Variants in ATXN7L1 observed in about 807,000 individuals in gnomAD.
ATXN7L1 encodes ataxin-7-like protein 1.
In ATXN7L1, 15 loss-of-function variants were observed where a neutral mutation model predicts 70.8. The ratio of observed to expected loss-of-function variants is 0.21; its 90% confidence interval spans 0.14 to 0.33. The LOEUF (loss-of-function observed/expected upper bound fraction) is 0.33, where lower values mean the gene tolerates loss of function less well. Among genes scored for constraint, ATXN7L1 ranks in the 10% least tolerant of loss-of-function variants. ATXN7L1 has a pLI of 1.00. For missense variants in ATXN7L1, 975 were observed against 1,097.1 expected (o/e 0.89, Z 1.57); for synonymous variants, 440 against 445.1 (o/e 0.99, Z 0.14).
At chr7:105,795,608 T>A (rs1204980250) in intron 2 of ATXN7L1, among the ~76,000 whole-genome samples, 1 of 152,136 alleles carries the variant, frequency 6.6e-6, no homozygotes, top group Non-Finnish European at 1.5e-5. Flanking sequence ...AGAGACTAAA[T>A]AAGGCTTGAT....
At chr7:105,791,341 C>T (rs1458470801) in intron 2 of ATXN7L1, among the ~76,000 whole-genome samples, 1 of 152,200 alleles carries the variant, frequency 6.6e-6, no homozygotes, top group African/African-American at 2.4e-5. Context: ...ACACTGTCTT[C>T]TGGGAGTTGC....
intron 3 of ATXN7L1, among the ~76,000 whole-genome samples, chr7:105,739,753 C>A (rs551007717): frequency 1.3e-5 from 2 of 152,320 alleles, no homozygotes; most frequent in South Asian, 4.1e-4. Context: ...GAGGAATCAG[C>A]GTTTTCAACA....
At chr7:105,767,990 C>T (rs1362787511) in intron 3 of ATXN7L1, among the ~76,000 whole-genome samples, 1 of 152,206 alleles carries the variant, frequency 6.6e-6, no homozygotes, top group African/African-American at 2.4e-5. Flanking sequence ...GACGTCTAAA[C>T]GTTTGTTTTG....
At chr7:105,744,735 CT>C (rs11465151) in intron 3 of ATXN7L1, among the ~76,000 whole-genome samples, 1,662 of 117,078 alleles carry the variant, frequency 0.014, 27 homozygotes, top group African/African-American at 0.047. Context: ...TCTTTCTTTA[CT>C]TTTTTTTTTT....
At chr7:105,676,396 G>A (rs1005605813) in intron 3 of ATXN7L1, among the ~76,000 whole-genome samples, 4 of 152,164 alleles carry the variant, frequency 2.6e-5, no homozygotes, top group African/African-American at 9.7e-5. Flanking sequence ...ATAAGCTGTT[G>A]AATTCTACCT....
chr7:105,708,604 C>T (rs1358612761), intron 3 of ATXN7L1, among the ~76,000 whole-genome samples: 1 of 152,128 alleles, frequency 6.6e-6, no homozygotes, highest in African/African-American at 2.4e-5. Context: ...AAAATGTTGG[C>T]TTTTATCTCT....
intron 2 of ATXN7L1, among the ~76,000 whole-genome samples, chr7:105,873,410 C>T (rs1477596187): frequency 2.0e-5 from 3 of 152,154 alleles, no homozygotes; most frequent in Non-Finnish European, 4.4e-5. Flanking sequence ...TGTATCCGTC[C>T]CAGGACTTTG....
chr7:105,615,299 T>A (rs1177781594), intron 9 of ATXN7L1, among the ~76,000 whole-genome samples: 17 of 152,214 alleles, frequency 1.1e-4, no homozygotes. Context: ...GAGCTTCCCC[T>A]CTCCACCCAC....
chr7:105,706,800 A>C (rs1458995063), intron 3 of ATXN7L1, among the ~76,000 whole-genome samples: 1 of 152,242 alleles, frequency 6.6e-6, no homozygotes, highest in East Asian at 1.9e-4. Context: ...GGCCTAATGA[A>C]AAACAATTCC....
chr7:105,645,526 G>C (rs1013036932), intron 4 of ATXN7L1, among the ~76,000 whole-genome samples: 18 of 151,610 alleles, frequency 1.2e-4, no homozygotes, highest in Non-Finnish European at 2.5e-4. Flanking sequence ...GCCACACGTG[G>C]TGGCTCACGC....
intron 3 of ATXN7L1, among the ~76,000 whole-genome samples, chr7:105,780,189 G>T (rs1284539003): frequency 6.6e-6 from 1 of 152,098 alleles, no homozygotes. Flanking sequence ...ACAATTGCAG[G>T]GAACCTTGGA....
intron 3 of ATXN7L1, among the ~76,000 whole-genome samples, chr7:105,746,512 C>T (rs1298018948): frequency 6.6e-6 from 1 of 152,210 alleles, no homozygotes; most frequent in Non-Finnish European, 1.5e-5. Context: ...GCCTAGAGTC[C>T]TTTGGCCAAG....
intron 4 of ATXN7L1, among the ~76,000 whole-genome samples, chr7:105,654,858 A>G (rs1002295377): frequency 6.6e-6 from 1 of 151,288 alleles, no homozygotes; most frequent in Non-Finnish European, 1.5e-5. Context: ...CTTGTGCCTC[A>G]GCCTCCCAAA....
chr7:105,816,222 C>T (rs765241765), intron 2 of ATXN7L1, among the ~76,000 whole-genome samples: 3 of 151,918 alleles, frequency 2.0e-5, no homozygotes, highest in Non-Finnish European at 4.4e-5. Flanking sequence ...GGGGTTAATA[C>T]CAGAAAAAAT....
rs529241784 is a variant in ATXN7L1, at chr7:105,625,855, T to A, written c.1203-1588A>T. ...GTCACAGTTAACTGTTACTAGCTTTTACTACTTCTCCACTTTCATCAGGTG... is the reference window on the plus strand; with the variant it reads ...GTCACAGTTAACTGTTACTAGCTTTAACTACTTCTCCACTTTCATCAGGTG... On this transcript the variant is annotated intron_variant, in intron 7 of 11. Transcript: ENST00000419735. Among the ~76,000 whole-genome samples the A allele has an allele frequency of 3.3e-5, 5 of 152,362 alleles. No homozygotes were observed. The South Asian group carries it at 8.3e-4, about 25-fold the overall frequency.
At chr7:105,702,095 T>C (rs1453350111) in intron 3 of ATXN7L1, among the ~76,000 whole-genome samples, 3 of 152,210 alleles carry the variant, frequency 2.0e-5, no homozygotes, top group African/African-American at 7.2e-5. Flanking sequence ...TCAATTCAAG[T>C]GTAAAACAAT....
rs570959425 is a variant in ATXN7L1, at chr7:105,792,599, C to T, written c.251-3891G>A. 8.0e-4 allele frequency among the ~76,000 whole-genome samples: 122 copies of T among 152,330 alleles called. 1 individual carries two copies. Among genetic ancestry groups the T allele is most frequent in the African/African-American group, 2.7e-3 (112 of 41,570 alleles). On this transcript the variant is annotated intron_variant, in intron 2 of 11. Coordinates refer to ENST00000419735, the MANE Select transcript of ATXN7L1 (RefSeq NM_020725.2). The stretch of plus-strand genomic sequence containing the variant: ...CTCTCTAATTTACCCCCAAGCAAAA[C>T]GTTCGGTGCACAGTTAAAAACAGTG...
chr7:105,801,447 C>T (rs74395101), intron 2 of ATXN7L1, among the ~76,000 whole-genome samples: 78 of 152,312 alleles, frequency 5.1e-4, no homozygotes, highest in African/African-American at 1.8e-3. Context: ...GCAAGCTCCT[C>T]AAGGGATCTG....
intron 7 of ATXN7L1, among the ~76,000 whole-genome samples, chr7:105,638,146 A>T (rs1797656661): frequency 6.6e-6 from 1 of 152,190 alleles, no homozygotes; most frequent in African/African-American, 2.4e-5. Flanking sequence ...AATAATGATG[A>T]CAGCAGTAAA....
Sources: allele counts gnomAD v4.1 joint callset (sites outside exome capture counted in the v4.1 genomes callset), GRCh38; gene constraint gnomAD v4.1.1; transcripts MANE v1.5; gene names NCBI Gene and HGNC (gene_info 2026-07-23, HGNC 2026-07-21).